TSNARE1: variants seen among roughly 807,000 people sequenced by gnomAD.
TSNARE1 encodes the protein t-SNARE domain-containing protein 1.
TSNARE1 carries 49 observed loss-of-function variants against 62.0 expected under a neutral mutation model. The ratio of observed to expected loss-of-function variants is 0.79; its 90% CI spans 0.63 to 1.00. The LOEUF is 1.00. Ranked by LOEUF, TSNARE1 falls within the 50% of genes least tolerant of loss-of-function variation. The pLI is 0.00. For missense variants in TSNARE1, 755 were observed against 700.1 expected, an observed-to-expected ratio of 1.08 and a Z score of -0.88; for synonymous variants, 328 against 294.4, an observed-to-expected ratio of 1.11 and a Z score of -1.17.
chr8:142,216,532 G>A (rs538555698), intron 13 of TSNARE1, among the ~76,000 whole-genome samples: 1 of 152,302 alleles, frequency 6.6e-6, no homozygotes, highest in South Asian at 2.1e-4. Context: ...AGGCTGGAGG[G>A]TGTCGGCCTC....
At chr8:142,276,627 C>T in intron 11 of TSNARE1, 1 of 985,404 alleles carries the variant, frequency 1.0e-6, no homozygotes, top group Non-Finnish European at 1.2e-6. Flanking sequence ...TTTCTCTGCC[C>T]CGTGACCACA....
At chr8:142,400,645 C>T (rs1276431668) in intron 1 of TSNARE1, among the ~76,000 whole-genome samples, 3 of 152,166 alleles carry the variant, frequency 2.0e-5, no homozygotes, top group Admixed American at 6.5e-5. Context: ...GAGGCTGAGG[C>T]AGGACTCCGT....
At chr8:142,214,216 C>A (rs1217209018) in intron 13 of TSNARE1, among the ~76,000 whole-genome samples, 1 of 152,184 alleles carries the variant, frequency 6.6e-6, no homozygotes, top group East Asian at 1.9e-4. Context: ...TGGGCGGCCA[C>A]TGCAGGGCTG....
chr8:142,276,969 A>G (rs1324940624), intron 11 of TSNARE1: 1 of 985,438 alleles, frequency 1.0e-6, no homozygotes, highest in Non-Finnish European at 1.2e-6. Flanking sequence ...GTGCACAGAG[A>G]TGCACAAGGG....
intron 3 of TSNARE1, 72 bp downstream of exon 3, chr8:142,345,671 T>G: frequency 6.9e-7 from 1 of 1,451,998 alleles, no homozygotes; most frequent in Non-Finnish European, 9.1e-7. Context: ...CTGCTGACCC[T>G]GCCCTCCTCA....
chr8:142,344,360 G>A lies in TSNARE1; in HGVS notation c.351C>T (p.Ser117=), dbSNP rs756526565. The stretch of plus-strand genomic sequence containing the variant: ...GCTTCCTCTTCTTGGCCCGGGTAGT[G>A]CTGGGCCCCGCCATCCGGCCATGGG... ...AGPHGRMAGP[S]TTRAKKRKPN... The change falls in exon 4 of 14, where the codon AGC becomes AGT. Residue 117 remains serine, a synonymous_variant. Coordinates refer to ENST00000524325, the MANE Select transcript of TSNARE1 (RefSeq NM_145003.5). The A allele has an allele frequency of 1.3e-6, 2 of 1,568,516 alleles. No homozygotes were observed. Among genetic ancestry groups the A allele is most frequent in the African/African-American group, 1.4e-5 (1 of 72,966 alleles).
rs1390429186 is a variant in TSNARE1 at position 142,222,556 on chromosome 8, T to C, written c.*11+6917A>G. ...CTCACTCACTCATTCACTCACTCACTCACTCATTCACTCACTCAGCCACTC... is the reference window on the plus strand; with the variant it reads ...CTCACTCACTCATTCACTCACTCACCCACTCATTCACTCACTCAGCCACTC... On this transcript the variant is annotated intron_variant, in intron 13 of 13. Transcript: ENST00000524325. Among the ~76,000 whole-genome samples the C allele has an allele frequency of 7.7e-3, 904 of 117,110 alleles. 208 individuals carry two copies. Among genetic ancestry groups the C allele is most frequent in the Non-Finnish European group, 0.011 (621 of 56,044 alleles). The allele number at this position is 117,110 out of a possible 152,430, so 76.8% of individuals were successfully genotyped here.
rs1394808602 is a variant in TSNARE1 at position 142,345,868 on chromosome 8, T to A, written c.113A>T (p.Tyr38Phe). 1 of 1,613,904 alleles carries A rather than the reference T, an allele frequency of 6.2e-7. No individual in the cohort carries two copies. Residue 38 changes from tyrosine (Y) to phenylalanine (F), a missense_variant, in exon 3 of 14, where the codon TAT becomes TTT. Transcript: ENST00000524325. The part of the protein sequence containing the change: ...PLECARCWTE[Y>F]GIRHFPCPSP... ...CGGGCAGGGGAAATGGCGGATTCCA[T>A]ACTCGGTCCAACATCTAGCGCACTC...
Position 142,257,900 on chromosome 8 carries a change from CT to C in TSNARE1, c.1446+16880del, listed in dbSNP as rs578155490. 2.8e-3 allele frequency among the ~76,000 whole-genome samples: 422 copies of C among 152,266 alleles called. 7 individuals are homozygous for C. Among genetic ancestry groups the C allele is most frequent in the Non-Finnish European group, 1.6e-3 (106 of 68,006 alleles). ...ACCTTGGTGCTCCCACCCACTGCCC[CT>C]GGGTGAGCATAAGAGCTTGAGCACG... On this transcript the variant is annotated intron_variant, in intron 12 of 13. Transcript: ENST00000524325.
chr8:142,316,705 C>T (rs909874074), intron 7 of TSNARE1, among the ~76,000 whole-genome samples: 1 of 151,756 alleles, frequency 6.6e-6, no homozygotes, highest in Non-Finnish European at 1.5e-5. Context: ...TTCTGGTCTC[C>T]ACAGATTGCA....
chr8:142,290,779 C>T (rs1482775489), intron 10 of TSNARE1, among the ~76,000 whole-genome samples: 1 of 152,252 alleles, frequency 6.6e-6, no homozygotes, highest in Non-Finnish European at 1.5e-5. Context: ...GGAGCCCCGC[C>T]TGGGCCATCT....
chr8:142,288,292 C>T (rs907184681), intron 10 of TSNARE1, among the ~76,000 whole-genome samples: 3 of 152,232 alleles, frequency 2.0e-5, no homozygotes, highest in Admixed American at 6.5e-5. Flanking sequence ...TGTGCACACA[C>T]GGCCACTGCA....
chr8:142,305,258 T>G lies in TSNARE1; in HGVS notation c.1132-4614A>C, dbSNP rs183556837. ...GTGGGCAGAGGGTGCCAGGCACCCA[T>G]GGAGACCTGCCTCGGATCTGTGCCT... On this transcript the variant is annotated intron_variant, in intron 9 of 13. Coordinates refer to ENST00000524325, the MANE Select transcript of TSNARE1 (RefSeq NM_145003.5). Among the ~76,000 whole-genome samples the G allele has an allele frequency of 1.7e-4, 25 of 146,866 alleles. 2 individuals carry two copies. Among genetic ancestry groups the G allele is most frequent in the East Asian group, 1.0e-3 (5 of 4,776 alleles).
At chr8:142,272,829 G>T (rs1308880413) in intron 12 of TSNARE1, 7 of 983,976 alleles carry the variant, frequency 7.1e-6, no homozygotes, top group African/African-American at 1.8e-5. Context: ...TCGCAGGCGG[G>T]AACAGGACAT....
In TSNARE1 at chr8:142,315,484, G is replaced by C. The variant is rs988136328; in HGVS notation, c.985-392C>G. Among the ~76,000 whole-genome samples the C allele has an allele frequency of 1.4e-4, 22 of 152,234 alleles. 1 individual carries two copies. Among genetic ancestry groups the C allele is most frequent in the Admixed American group, 6.5e-5 (1 of 15,290 alleles). On this transcript the variant is annotated intron_variant, in intron 7 of 13. Transcript: ENST00000524325. ...ACTGCCAGAACCATCCCCCTCCCCA[G>C]CATCTCGCCTGTATCTGGGCTCCCC...
chr8:142,317,150 C>T (rs1307701604), intron 7 of TSNARE1, among the ~76,000 whole-genome samples: 1 of 151,136 alleles, frequency 6.6e-6, no homozygotes, highest in African/African-American at 2.4e-5. Flanking sequence ...ACGCATGAAG[C>T]GGGTATGGCC....
At chr8:142,318,281 C>T (rs1038977515) in intron 7 of TSNARE1, among the ~76,000 whole-genome samples, 1 of 152,186 alleles carries the variant, frequency 6.6e-6, no homozygotes, top group Non-Finnish European at 1.5e-5. Flanking sequence ...GCTCTTGTCC[C>T]CACTACTGCA....
intron 1 of TSNARE1, among the ~76,000 whole-genome samples, chr8:142,382,383 C>T (rs1317959005): frequency 6.6e-6 from 1 of 152,218 alleles, no homozygotes; most frequent in Non-Finnish European, 1.5e-5. Flanking sequence ...TTCTCCCTCC[C>T]AACCTCCATC....
At chr8:142,294,991 G>C (rs1350243305) in intron 10 of TSNARE1, among the ~76,000 whole-genome samples, 1 of 152,180 alleles carries the variant, frequency 6.6e-6, no homozygotes, top group Non-Finnish European at 1.5e-5. Context: ...GGAGTCCTGG[G>C]AGGCTCGGGG....
Sources: gnomAD v4.1 joint callset for allele counts (sites outside exome capture counted in the v4.1 genomes callset) on GRCh38, gnomAD v4.1.1 for gene constraint, MANE v1.5 for transcripts, NCBI Gene and HGNC (gene_info 2026-07-23, HGNC 2026-07-21) for gene names.